Variants in MMS22L observed in about 807,000 individuals in gnomAD.
MMS22L encodes MMS22 like, DNA repair protein.
Under a neutral mutation model 159.1 loss-of-function variants are expected in MMS22L, and 74 were observed. That is an observed-to-expected ratio of 0.47 (90% CI 0.39 to 0.56). The LOEUF is 0.56. Among genes scored for constraint, MMS22L ranks in the 20% least tolerant of loss-of-function variants. The pLI is 0.00. For missense variants in MMS22L, 1,351 were observed against 1,422.1 expected (o/e 0.95, Z 0.80); for synonymous variants, 517 against 506.9 (o/e 1.02, Z -0.27).
chr6:97,173,325 C>T (rs1280891142), intron 18 of MMS22L, 103 bp from the exon 19 acceptor site: 1 of 1,008,836 alleles, frequency 9.9e-7, no homozygotes, highest in Non-Finnish European at 1.5e-6. Context: ...CGCACCCATA[C>T]CCTTTACATT....
rs544663124 is a variant in MMS22L at position 97,189,102 on chromosome 6, A to G, written c.2040-2412T>C. On this transcript the variant is annotated intron_variant, in intron 14 of 24. Transcript: ENST00000683635. ...CAGAATTCTAACATTAGGAAAGACT[A>G]TAAGAAGAGATGCTAGAAAACATGT... is the stretch of plus-strand genomic sequence containing the variant. Among the ~76,000 whole-genome samples, 10 of 152,094 alleles carry G rather than the reference A, an allele frequency of 6.6e-5. No homozygotes were observed. The East Asian group carries it at 1.4e-3, about 21-fold the overall frequency.
intron 14 of MMS22L, among the ~76,000 whole-genome samples, chr6:97,219,948 T>C (rs1809450698): frequency 6.6e-6 from 1 of 152,200 alleles, no homozygotes; most frequent in African/African-American, 2.4e-5. Flanking sequence ...TTCTATACTC[T>C]GCCATCTCAC....
At chr6:97,268,111 A>G (rs1216034377) in intron 7 of MMS22L, 109 bp from the exon 8 acceptor site, 27 of 768,964 alleles carry the variant, frequency 3.5e-5, no homozygotes, top group Admixed American at 1.2e-4. Flanking sequence ...ACAGTTTTTA[A>G]TTTTTTTTTG....
intron 12 of MMS22L, among the ~76,000 whole-genome samples, chr6:97,233,344 A>G (rs781482061): frequency 1.3e-5 from 2 of 152,138 alleles, no homozygotes; most frequent in Non-Finnish European, 2.9e-5. Context: ...CTTCTGTTAG[A>G]AAATTCTACT....
At chr6:97,166,660 A>G (rs1471879444) in intron 20 of MMS22L, among the ~76,000 whole-genome samples, 1 of 152,162 alleles carries the variant, frequency 6.6e-6, no homozygotes, top group African/African-American at 2.4e-5. Flanking sequence ...TGAAGAAATT[A>G]AAGACATAGC....
intron 22 of MMS22L, 113 bp downstream of exon 22, chr6:97,161,889 A>G (rs1802478552): frequency 3.0e-6 from 3 of 993,386 alleles, no homozygotes; most frequent in Non-Finnish European, 4.5e-6. Flanking sequence ...ACCCATATCA[A>G]GAGATATAAA....
chr6:97,224,584 A>C (rs994543463), intron 14 of MMS22L, among the ~76,000 whole-genome samples: 1 of 151,776 alleles, frequency 6.6e-6, no homozygotes, highest in Non-Finnish European at 1.5e-5. Flanking sequence ...AACTTACAAA[A>C]TAAAAAGAAA....
chr6:97,151,913 A>G (rs767627121), intron 22 of MMS22L, 46 bp from the exon 23 acceptor site: 64 of 1,414,966 alleles, frequency 4.5e-5, no homozygotes, highest in Middle Eastern at 1.8e-4. Flanking sequence ...TGAATTGACC[A>G]TCTGGATCCT....
In MMS22L at chr6:97,144,125, A is replaced by G. The variant is rs1562381482; in HGVS notation, c.*2681T>C. 6.9e-6 allele frequency: 1 copy of G among 144,218 alleles called. No individual in the cohort carries two copies. 8.9% of individuals were successfully genotyped at this position (144,218 alleles called of 1,614,324 possible). A position where few individuals can be genotyped will look rare whatever the true frequency, so the allele number is the denominator to read the frequency against. On this transcript the variant is annotated 3_prime_UTR_variant, in exon 25 of 25. Transcript: ENST00000683635. ...AACAACAAAAAAAAAAAAAAAAAAA[A>G]AAAGAGAGAGAAAAGCTGGAGTTAT...
intron 14 of MMS22L, among the ~76,000 whole-genome samples, chr6:97,199,139 G>C (rs574420133): frequency 6.6e-6 from 1 of 152,212 alleles, no homozygotes; most frequent in East Asian, 1.9e-4. Flanking sequence ...CATGTGGTTA[G>C]TGGCTATATG....
intron 14 of MMS22L, among the ~76,000 whole-genome samples, chr6:97,206,778 C>T (rs892942150): frequency 6.6e-6 from 1 of 152,020 alleles, no homozygotes; most frequent in South Asian, 2.1e-4. Context: ...ATCATAAGGA[C>T]CATATCAAAT....
intron 11 of MMS22L, 40 bp from the exon 12 acceptor site, chr6:97,234,020 C>A (rs373307161): frequency 7.1e-5 from 113 of 1,582,768 alleles, no homozygotes; most frequent in Non-Finnish European, 9.7e-5. Context: ...TAAATGGGCT[C>A]TGGCAATATA....
chr6:97,180,945 C>T (rs953853666), intron 16 of MMS22L, among the ~76,000 whole-genome samples: 2 of 152,106 alleles, frequency 1.3e-5, no homozygotes, highest in African/African-American at 4.8e-5. Context: ...TGGACAAAAA[C>T]TACGTTAAGA....
rs1330430984 is a variant in MMS22L, at chr6:97,229,237, G to A, written c.1696C>T (p.Gln566Ter). 6.2e-7 allele frequency: 1 copy of A among 1,613,966 alleles called. No homozygotes were observed. The highest frequency in any genetic ancestry group is 8.5e-7 in the Non-Finnish European group (1 of 1,180,016). The change falls in exon 14 of 25, where the codon CAG becomes TAG. Residue 566 changes from glutamine (Q) to a stop codon, truncating the protein, a stop_gained. Coordinates refer to ENST00000683635, the MANE Select transcript of MMS22L (RefSeq NM_001350599.2). LOFTEE classifies it high-confidence loss of function. Reference protein sequence around the residue: ...NFLKPAFVTSQRALIWKGHMA... With the variant: ...NFLKPAFVTS The stretch of plus-strand genomic sequence containing the variant: ...TGACCCTTCCAAATGAGGGCTCTCT[G>A]AGACGTTACAAAAGCAGGCTTGAGG...
At chr6:97,259,215 C>G (rs757138168) in intron 9 of MMS22L, 1 of 152,188 alleles carries the variant, frequency 6.6e-6, no homozygotes, top group Non-Finnish European at 1.5e-5. Flanking sequence ...CATTCTGCAA[C>G]TCACTCCGTA....
intron 10 of MMS22L, among the ~76,000 whole-genome samples, chr6:97,252,416 A>G (rs1813334542): frequency 6.9e-6 from 1 of 143,994 alleles, no homozygotes; most frequent in Non-Finnish European, 1.6e-5. Context: ...TAACTGAGGT[A>G]GGCAGATTAA....
At chr6:97,162,230 T>C (rs1260684864) in intron 21 of MMS22L, 65 bp from the exon 22 acceptor site, 1 of 1,447,206 alleles carries the variant, frequency 6.9e-7, no homozygotes, top group Admixed American at 2.4e-5. Context: ...CCAAATGGCA[T>C]ATAATTTAAA....
Position 97,187,380 on chromosome 6 carries a change from G to A in MMS22L, c.2040-690C>T, listed in dbSNP as rs561296888. On this transcript the variant is annotated intron_variant, in intron 14 of 24. Transcript: ENST00000683635. ...CTCTAGACCTTAATAGAAACGTGCA[G>A]GAAATTGAGGTTACCAAAGAGAGGG... Among the ~76,000 whole-genome samples, 18 of 152,228 alleles carry A rather than the reference G, an allele frequency of 1.2e-4. 1 individual carries two copies. In the South Asian group the frequency reaches 3.7e-3, roughly 32 times the overall value.
At chr6:97,275,760 T>G (rs992506219) in intron 4 of MMS22L, among the ~76,000 whole-genome samples, 18 of 152,314 alleles carry the variant, frequency 1.2e-4, no homozygotes, top group African/African-American at 4.3e-4. Context: ...ATGCTAGCAC[T>G]TTAGGAGGCC....
Sources: allele counts gnomAD v4.1 joint callset (sites outside exome capture counted in the v4.1 genomes callset), GRCh38; gene constraint gnomAD v4.1.1; transcripts MANE v1.5; gene names NCBI Gene and HGNC (gene_info 2026-07-23, HGNC 2026-07-21).